UGT1A6: variants seen among roughly 807,000 people sequenced by gnomAD.
The protein encoded by UGT1A6 is UDP glucuronosyltransferase family 1 member A6, also known as UDP-glucuronosyltransferase 1A6.
Under a neutral mutation model 44.4 loss-of-function variants are expected in UGT1A6, and 32 were observed. That is an observed-to-expected ratio of 0.72 (90% confidence interval 0.54 to 0.97). UGT1A6 has a LOEUF of 0.97. Among genes scored for constraint, UGT1A6 ranks in the 50% least tolerant of loss-of-function variants. The probability of loss-of-function intolerance (pLI) is 0.00; values close to 1 mark genes in which losing one functional copy is unlikely to be tolerated. For synonymous variants in UGT1A6, 238 were observed against 248.5 expected, an observed-to-expected ratio of 0.96 and a Z score of 0.40; for missense variants, 685 against 661.9, an observed-to-expected ratio of 1.03 and a Z score of -0.38.
chr2:233,751,271 T>G (rs1694686966), intron 1 of UGT1A6, among the ~76,000 whole-genome samples: 2 of 151,964 alleles, frequency 1.3e-5, no homozygotes, highest in African/African-American at 4.9e-5. Flanking sequence ...CCCCTTTTTT[T>G]GGCCAGTTTC....
chr2:233,720,530 C>T (rs753695655), intron 1 of UGT1A6, among the ~76,000 whole-genome samples: 4 of 152,090 alleles, frequency 2.6e-5, no homozygotes, highest in Non-Finnish European at 5.9e-5. Context: ...TCACCAAACT[C>T]ACCCTATCCC....
intron 1 of UGT1A6, among the ~76,000 whole-genome samples, chr2:233,700,770 G>A (rs909879042): frequency 6.6e-6 from 1 of 151,558 alleles, no homozygotes; most frequent in African/African-American, 2.4e-5. Flanking sequence ...TGTGCACAAC[G>A]TACAGGTTTG....
chr2:233,760,971 C>T (rs773436128), intron 1 of UGT1A6: 1 of 1,614,154 alleles, frequency 6.2e-7, no homozygotes, highest in South Asian at 1.1e-5. Context: ...TGGTTTATTC[C>T]CCGTATGCAA....
At position 233,713,302 on chromosome 2, in the gene UGT1A6, A is replaced by G. The variant is rs750198016; in HGVS notation, c.861+19437A>G. The G allele has an allele frequency of 6.2e-6, 10 of 1,614,126 alleles. No individual in the cohort carries two copies. In the Admixed American group the frequency reaches 1.7e-4, roughly 27 times the overall value. The stretch of plus-strand genomic sequence containing the variant: ...CACACTCAATCGTTCTTTGAAACAG[A>G]ACATCTTCTGATGAAATTTTCTAGA... On this transcript the variant is annotated intron_variant, in intron 1 of 4. Transcript: ENST00000305139.
intron 1 of UGT1A6, among the ~76,000 whole-genome samples, chr2:233,740,070 C>T (rs1691295893): frequency 6.6e-6 from 1 of 151,860 alleles, no homozygotes; most frequent in South Asian, 2.1e-4. Context: ...AGCTTTTCCT[C>T]TCTGTCTCTC....
At chr2:233,759,366 G>C (rs1046941643) in intron 1 of UGT1A6, among the ~76,000 whole-genome samples, 1 of 152,134 alleles carries the variant, frequency 6.6e-6, no homozygotes, top group Non-Finnish European at 1.5e-5. Context: ...ACTATAAAAA[G>C]GTACAGGTTT....
chr2:233,730,574 G>A (rs1277853896), intron 1 of UGT1A6, among the ~76,000 whole-genome samples: 1 of 152,170 alleles, frequency 6.6e-6, no homozygotes, highest in African/African-American at 2.4e-5. Context: ...ACGAAGTTCA[G>A]TTTCCAGACA....
intron 1 of UGT1A6, among the ~76,000 whole-genome samples, chr2:233,719,941 G>A (rs958273731): frequency 6.6e-6 from 1 of 152,192 alleles, no homozygotes; most frequent in African/African-American, 2.4e-5. Flanking sequence ...TGTTTGTAAA[G>A]GCACCATCTT....
intron 1 of UGT1A6, among the ~76,000 whole-genome samples, chr2:233,732,129 GTTGT>G (rs201829156): frequency 0.39 from 58,964 of 151,470 alleles, 11,923 homozygotes; most frequent in African/African-American, 0.5. Context: ...TTTTGATGAG[GTTGT>G]TTGTTTGTTT....
At chr2:233,730,105 C>T (rs1305477066) in intron 1 of UGT1A6, 1 of 1,574,650 alleles carries the variant, frequency 6.4e-7, no homozygotes, top group Non-Finnish European at 8.6e-7. Context: ...TATTTCATTT[C>T]TGCTTCTCCT....
Position 233,772,442 on chromosome 2 carries a change from C to T in UGT1A6, c.1482C>T (p.Leu494=), listed in dbSNP as rs1249728637. The T allele has an allele frequency of 1.2e-6, 2 of 1,614,208 alleles. No individual in the cohort carries two copies. Among genetic ancestry groups the T allele is most frequent in the Admixed American group, 3.3e-5 (2 of 60,020 alleles). ...ATTCCTTGGACGTGATTGGTTTCCTCTTGGCCGTCGTGCTGACAGTGGCCT... is the reference window on the plus strand; with the variant it reads ...ATTCCTTGGACGTGATTGGTTTCCTTTTGGCCGTCGTGCTGACAGTGGCCT... ...QYHSLDVIGF[L]LAVVLTVAFI... Residue 494 remains leucine, a synonymous_variant, in exon 5 of 5, where the codon CTC becomes CTT. Coordinates refer to ENST00000305139, the MANE Select transcript of UGT1A6 (RefSeq NM_001072.4).
chr2:233,769,154 T>C lies in UGT1A6; in HGVS notation c.1301+715T>C, dbSNP rs528869254. ...CAGCTTTTTGCAGCACTGGAACCTG[T>C]GAGAAATTTTGTCCATGGAGTTTAT... On this transcript the variant is annotated intron_variant, in intron 4 of 4. Coordinates refer to ENST00000305139, the MANE Select transcript of UGT1A6 (RefSeq NM_001072.4). This position sits in a 1 kb window ranked among gnomAD's most constrained non-coding sequence, Gnocchi z 4.4. Among the ~76,000 whole-genome samples the C allele has an allele frequency of 1.3e-5, 2 of 152,310 alleles. No individual in the cohort carries two copies. Among genetic ancestry groups the C allele is most frequent in the South Asian group, 4.1e-4 (2 of 4,822 alleles).
rs140687237 is a variant in UGT1A6 at position 233,731,471 on chromosome 2, T to A, written c.862-35563T>A. ...CCACAACAGGCCCTGGCGTGTGATG[T>A]TCCCTGGCCTGTGTCCAGTGTTCTT... On this transcript the variant is annotated intron_variant, in intron 1 of 4. Transcript: ENST00000305139. Among the ~76,000 whole-genome samples, 413 of 152,262 alleles carry A rather than the reference T, an allele frequency of 2.7e-3. 1 individual carries two copies. Among genetic ancestry groups the A allele is most frequent in the South Asian group, 0.017 (82 of 4,820 alleles).
At chr2:233,737,210 G>A (rs2078852956) in intron 1 of UGT1A6, among the ~76,000 whole-genome samples, 1 of 152,244 alleles carries the variant, frequency 6.6e-6, no homozygotes, top group South Asian at 2.1e-4. Context: ...GGTGGACTCT[G>A]TTCAGTTCCA....
At chr2:233,739,899 T>G (rs1691241474) in intron 1 of UGT1A6, among the ~76,000 whole-genome samples, 1 of 151,876 alleles carries the variant, frequency 6.6e-6, no homozygotes, top group South Asian at 2.1e-4. Context: ...CCAAATCTCA[T>G]CTCATATTGT....
At chr2:233,721,929 C>A in intron 1 of UGT1A6, 1 of 379,728 alleles carries the variant, frequency 2.6e-6, no homozygotes, top group East Asian at 7.5e-5. Context: ...AAAGTGACAT[C>A]CTTCAGACAC....
intron 1 of UGT1A6, chr2:233,747,109 G>A: frequency 7.1e-7 from 1 of 1,400,096 alleles, no homozygotes; most frequent in Non-Finnish European, 9.7e-7. Context: ...CCAATTACAT[G>A]ATGATTTGCT....
At chr2:233,733,541 C>T (rs1172335855) in intron 1 of UGT1A6, among the ~76,000 whole-genome samples, 2 of 152,150 alleles carry the variant, frequency 1.3e-5, no homozygotes, top group Non-Finnish European at 2.9e-5. Context: ...TTGTTGAAGG[C>T]CTTTTCTGCA....
intron 1 of UGT1A6, among the ~76,000 whole-genome samples, chr2:233,715,257 C>T (rs193085198): frequency 2.7e-4 from 41 of 152,160 alleles, no homozygotes; most frequent in African/African-American, 9.4e-4. Context: ...TTAAAAAATC[C>T]CCTTACATAA....
Sources: gnomAD v4.1 joint callset for allele counts (sites outside exome capture counted in the v4.1 genomes callset) on GRCh38, gnomAD v4.1.1 for gene constraint, Gnocchi (gnomAD v3.1) non-coding constraint, MANE v1.5 for transcripts, NCBI Gene and HGNC (gene_info 2026-07-23, HGNC 2026-07-21) for gene names.